Variants in SCHIP1 observed in about 807,000 individuals in gnomAD.
SCHIP1 encodes schwannomin-interacting protein 1.
A neutral mutation model predicts 29.7 loss-of-function variants in SCHIP1; 8 were observed. That is an observed-to-expected ratio of 0.27 (90% CI 0.16 to 0.49). SCHIP1 has a LOEUF of 0.49. Among genes scored for constraint, SCHIP1 ranks in the 20% least tolerant of loss-of-function variants. The pLI is 0.99. For missense variants in SCHIP1, 193 were observed against 294.6 expected, an observed-to-expected ratio of 0.66 and a Z score of 2.52; for synonymous variants, 76 against 94.9, an observed-to-expected ratio of 0.80 and a Z score of 1.16.
chr3:159,313,023 A>C, the SCHIP1 span, among the ~76,000 whole-genome samples: 1 of 152,216 alleles, frequency 6.6e-6, no homozygotes, highest in South Asian at 2.1e-4. Flanking sequence ...GAAATTGCCA[A>C]AGTATTTGTA....
the SCHIP1 span, among the ~76,000 whole-genome samples, chr3:159,804,832 T>C: frequency 9.8e-5 from 15 of 152,374 alleles, no homozygotes; most frequent in Admixed American, 9.8e-4. Flanking sequence ...TAAACTTCTC[T>C]GCTCTGTTTT....
chr3:159,550,192 G>T, the SCHIP1 span, among the ~76,000 whole-genome samples: 2 of 132,444 alleles, frequency 1.5e-5, no homozygotes, highest in South Asian at 5.8e-4. Context: ...CTGCTGAAAT[G>T]TACTTAGATC....
At chr3:159,273,311 C>G in the SCHIP1 span, 2 of 985,950 alleles carry the variant, frequency 2.0e-6, no homozygotes, top group Non-Finnish European at 2.4e-6. Flanking sequence ...CAGACCGAGG[C>G]TGGGGCGAGA....
the SCHIP1 span, among the ~76,000 whole-genome samples, chr3:159,486,883 C>T: frequency 6.6e-6 from 1 of 152,334 alleles, no homozygotes; most frequent in African/African-American, 2.4e-5. Flanking sequence ...CCACCTCTAG[C>T]TGCAAGGGAG....
chr3:159,371,563 T>G, the SCHIP1 span, among the ~76,000 whole-genome samples: 2 of 152,098 alleles, frequency 1.3e-5, no homozygotes, highest in South Asian at 4.1e-4. Context: ...AAAGAAATAG[T>G]GTATATGGAA....
the SCHIP1 span, among the ~76,000 whole-genome samples, chr3:159,746,963 C>T: frequency 6.6e-6 from 1 of 152,144 alleles, no homozygotes; most frequent in Non-Finnish European, 1.5e-5. Context: ...TCTCCAATAC[C>T]TTTTCCATAG....
the SCHIP1 span, among the ~76,000 whole-genome samples, chr3:159,689,480 G>A: frequency 0.014 from 2,123 of 152,150 alleles, 43 homozygotes; most frequent in African/African-American, 0.048. Flanking sequence ...GTTGCTTATC[G>A]GCTTAAGAAG....
chr3:159,741,896 G>C, the SCHIP1 span, among the ~76,000 whole-genome samples: 11 of 152,152 alleles, frequency 7.2e-5, no homozygotes, highest in African/African-American at 2.7e-4. Context: ...TAATCAGGGA[G>C]CACTGTGCAT....
the SCHIP1 span, among the ~76,000 whole-genome samples, chr3:159,533,964 A>G: frequency 1.3e-5 from 2 of 152,202 alleles, no homozygotes; most frequent in African/African-American, 4.8e-5. Flanking sequence ...AAGTCCAACC[A>G]CAGCTTCATG....
chr3:159,889,028 A>G lies in SCHIP1; in HGVS notation c.589+85A>G. On this transcript the variant is annotated intron_variant, in intron 5 of 6. Transcript: ENST00000445224. ...TGCTTCCTTGGTCCAACTTTTTCAT[A>G]CAACATTTCATTGGGTTCCTGTGTG... The G allele has an allele frequency of 2.0e-6, 3 of 1,488,914 alleles. No individual in the cohort carries two copies. In the East Asian group the frequency reaches 7.3e-5, roughly 36 times the overall value. The allele number at this position is 1,488,914 out of a possible 1,614,324, so 92.2% of individuals were successfully genotyped here.
At chr3:159,437,272 T>C in the SCHIP1 span, among the ~76,000 whole-genome samples, 1 of 152,128 alleles carries the variant, frequency 6.6e-6, no homozygotes, top group African/African-American at 2.4e-5. Flanking sequence ...CATCATGCTT[T>C]TGAATATGTT....
intron 6 of SCHIP1, among the ~76,000 whole-genome samples, chr3:159,895,180 A>AT (rs1466714598): frequency 1.3e-5 from 2 of 152,202 alleles, no homozygotes; most frequent in Non-Finnish European, 2.9e-5. Flanking sequence ...AAGGGGACAG[A>AT]TTTTTTAAGG....
the SCHIP1 span, among the ~76,000 whole-genome samples, chr3:159,747,353 T>G: frequency 1.3e-5 from 2 of 152,184 alleles, no homozygotes; most frequent in Non-Finnish European, 2.9e-5. Flanking sequence ...TCCTTCCTAT[T>G]TAATGCTTTA....
chr3:159,685,177 T>G, the SCHIP1 span, among the ~76,000 whole-genome samples: 1 of 152,240 alleles, frequency 6.6e-6, no homozygotes, highest in East Asian at 1.9e-4. Flanking sequence ...CCCAAGGAAC[T>G]TATATCTTTG....
At chr3:159,722,989 A>G in the SCHIP1 span, among the ~76,000 whole-genome samples, 1 of 152,190 alleles carries the variant, frequency 6.6e-6, no homozygotes, top group Non-Finnish European at 1.5e-5. Context: ...TCCCCTGGCT[A>G]TAGCAATTGG....
the SCHIP1 span, among the ~76,000 whole-genome samples, chr3:159,677,848 G>T: frequency 2.0e-5 from 3 of 151,878 alleles, no homozygotes; most frequent in African/African-American, 7.3e-5. Flanking sequence ...TTTTTGTTTT[G>T]TTTTGGAGAC....
At chr3:159,759,043 T>G in the SCHIP1 span, among the ~76,000 whole-genome samples, 1 of 152,238 alleles carries the variant, frequency 6.6e-6, no homozygotes, top group South Asian at 2.1e-4. Flanking sequence ...ATCTTTTAAG[T>G]GCCATTTTGC....
the SCHIP1 span, among the ~76,000 whole-genome samples, chr3:159,818,485 G>T: frequency 2.6e-5 from 4 of 152,214 alleles, no homozygotes; most frequent in African/African-American, 9.6e-5. Flanking sequence ...CCAGGAAGGG[G>T]CAGTGTGGAG....
At chr3:159,601,326 C>T in the SCHIP1 span, among the ~76,000 whole-genome samples, 3 of 152,240 alleles carry the variant, frequency 2.0e-5, no homozygotes, top group South Asian at 2.1e-4. Flanking sequence ...CCCCCCCATA[C>T]ACTATTATCA....
Sources: gnomAD v4.1 joint callset for allele counts (sites outside exome capture counted in the v4.1 genomes callset) on GRCh38, gnomAD v4.1.1 for gene constraint, MANE v1.5 for transcripts, NCBI Gene and HGNC (gene_info 2026-07-23, HGNC 2026-07-21) for gene names.